IRF6: variants seen among roughly 807,000 people sequenced by gnomAD.
IRF6 encodes interferon regulatory factor 6, also known as Van der Woude syndrome.
A neutral mutation model predicts 51.4 loss-of-function variants in IRF6; 6 were observed. That is an observed-to-expected ratio of 0.12 (90% CI 0.06 to 0.23). The LOEUF (loss-of-function observed/expected upper bound fraction) is 0.23. IRF6 is among the 10% of genes least tolerant of loss of function. IRF6 has a pLI of 1.00. For missense variants in IRF6, 348 were observed against 585.2 expected, an observed-to-expected ratio of 0.59 and a Z score of 4.18; for synonymous variants, 178 against 215.7, an observed-to-expected ratio of 0.83 and a Z score of 1.53.
chr1:209,792,181 T>C (rs2077872533), intron 6 of IRF6, 88 bp downstream of exon 6: 3 of 1,426,070 alleles, frequency 2.1e-6, no homozygotes, highest in East Asian at 2.3e-5. Context: ...TTTCAATACA[T>C]GGCAAAGAAA....
At chr1:209,800,227 T>C (rs2077932180) in intron 3 of IRF6, among the ~76,000 whole-genome samples, 1 of 152,210 alleles carries the variant, frequency 6.6e-6, no homozygotes, top group Non-Finnish European at 1.5e-5. Context: ...TTTCAAACCA[T>C]GTGAAAACCT....
chr1:209,793,240 C>T (rs1268132172), intron 5 of IRF6: 3 of 152,146 alleles, frequency 2.0e-5, no homozygotes, highest in Non-Finnish European at 2.9e-5. Context: ...ATGTCTCATT[C>T]TGTCACCCAG....
At chr1:209,789,935 T>C in intron 7 of IRF6, 150 bp from the exon 8 acceptor site, 1 of 688,006 alleles carries the variant, frequency 1.5e-6, no homozygotes, top group South Asian at 1.6e-5. Flanking sequence ...GTCACATTAG[T>C]CATATTTACA....
intron 6 of IRF6, among the ~76,000 whole-genome samples, chr1:209,791,848 T>C (rs926347): frequency 0.17 from 25,854 of 152,202 alleles, 2,379 homozygotes; most frequent in African/African-American, 0.22. Flanking sequence ...TGCAATGGCA[T>C]GATCAGGGCT....
At chr1:209,801,181 GCCAA>G in intron 3 of IRF6, 55 bp downstream of exon 3, 9 of 993,486 alleles carry the variant, frequency 9.1e-6, no homozygotes, top group African/African-American at 3.2e-5. Context: ...TATTCCCCAT[GCCAA>G]AAAAAAAAAA....
Position 209,796,634 on chromosome 1 carries a change from AACACACACAC to A in IRF6, c.175-92_175-83del, listed in dbSNP as rs3028134. On this transcript the variant is annotated intron_variant, in intron 3 of 8. Coordinates refer to ENST00000367021, the MANE Select transcript of IRF6 (RefSeq NM_006147.4). The surrounding 1 kb of genome is among the most constrained non-coding windows in gnomAD (Gnocchi z 4.5). ...GTGCTTACCCTTTCTCATAGACACA[AACACACACAC>A]ACACACACACACACACACACACACA... 2,646 of 586,454 alleles carry A rather than the reference AACACACACAC, an allele frequency of 4.5e-3. 5 individuals carry two copies. Among genetic ancestry groups the A allele is most frequent in the African/African-American group, 0.016 (774 of 48,764 alleles). 36.3% of individuals were successfully genotyped at this position (586,454 alleles called of 1,614,324 possible).
In IRF6 at chr1:209,786,993, A is replaced by G. The variant is rs2077838004; in HGVS notation, c.*1427T>C. On this transcript the variant is annotated 3_prime_UTR_variant, in exon 9 of 9. Coordinates refer to ENST00000367021, the MANE Select transcript of IRF6 (RefSeq NM_006147.4). ...ATCTTATTTGCCATTTAGGTCCCAG[A>G]TTGCTTGAGCCCAGGAGTTCAAGAC... 1 of 152,782 alleles carries G rather than the reference A, an allele frequency of 6.5e-6. No individual in the cohort carries two copies. The highest frequency in any genetic ancestry group is 1.5e-5 in the Non-Finnish European group (1 of 68,584). The allele number at this position is 152,782 out of a possible 1,614,324, so 9.5% of individuals were successfully genotyped here. A position where few individuals can be genotyped will look rare whatever the true frequency, so the allele number is the denominator to read the frequency against.
rs934817735 is a variant in IRF6 at position 209,787,258 on chromosome 1, T to A, written c.*1162A>T. On this transcript the variant is annotated 3_prime_UTR_variant, in exon 9 of 9. Coordinates refer to ENST00000367021, the MANE Select transcript of IRF6 (RefSeq NM_006147.4). Reference sequence around the variant, plus strand: ...CTGAAAGGGTTAGAGACTCAGCAGATGTTTCTAGATAAGACCAGTTTGTGA... The same window carrying A: ...CTGAAAGGGTTAGAGACTCAGCAGAAGTTTCTAGATAAGACCAGTTTGTGA... 1 of 152,260 alleles carries A rather than the reference T, an allele frequency of 6.6e-6. No individual in the cohort carries two copies. Among genetic ancestry groups the A allele is most frequent in the Non-Finnish European group, 1.5e-5 (1 of 68,102 alleles). 9.4% of individuals were successfully genotyped at this position (152,260 alleles called of 1,614,324 possible). A position where few individuals can be genotyped will look rare whatever the true frequency, so the allele number is the denominator to read the frequency against.
chr1:209,790,799 G>A lies in IRF6; in HGVS notation c.756C>T (p.Phe252=). ...TVSNPQGCRL[F]YGDLGPMPDQ... ...CAGGCATGGGACCCAGGTCCCCATAGAAGAGTCGGCAGCCCTGAGGGTTGC... is the reference window on the plus strand; with the variant it reads ...CAGGCATGGGACCCAGGTCCCCATAAAAGAGTCGGCAGCCCTGAGGGTTGC... The change falls in exon 7 of 9, where the codon TTC becomes TTT. Residue 252 remains phenylalanine, a synonymous_variant. Coordinates refer to ENST00000367021, the MANE Select transcript of IRF6 (RefSeq NM_006147.4). This position sits in a 1 kb window ranked among gnomAD's most constrained non-coding sequence, Gnocchi z 4.8. 6.2e-7 allele frequency: 1 copy of A among 1,614,136 alleles called. No homozygotes were observed. Among genetic ancestry groups the A allele is most frequent in the Non-Finnish European group, 8.5e-7 (1 of 1,180,036 alleles).
rs761453746 is a variant in IRF6 at position 209,801,282 on chromosome 1, G to A, written c.132C>T (p.Thr44=). 1 of 1,614,090 alleles carries A rather than the reference G, an allele frequency of 6.2e-7. No individual in the cohort carries two copies. The highest frequency in any genetic ancestry group is 8.5e-7 in the Non-Finnish European group (1 of 1,180,002). The change falls in exon 3 of 9, where the codon ACC becomes ACT. Residue 44 remains threonine (T), a synonymous_variant. Transcript: ENST00000367021. ...CCTCTTCTTGTTGAGGGCTATGCCG[G>A]GTGGCATGTTTCCAGGGAATCTGGA... ...KRFQIPWKHA[T]RHSPQQEEEN...
In IRF6 at chr1:209,792,317, T is replaced by G. The variant is rs866518271; in HGVS notation, c.619A>C (p.Ile207Leu). 6.2e-7 allele frequency: 1 copy of G among 1,614,206 alleles called. No homozygotes were observed. The highest frequency in any genetic ancestry group is 8.5e-7 in the Non-Finnish European group (1 of 1,180,012). The change falls in exon 6 of 9, where the codon ATA (isoleucine) becomes CTA (leucine). Residue 207 changes from isoleucine to leucine, a missense_variant. By Grantham distance (5) the Ile-to-Leu change is conservative. This residue lies in a region of IRF6 where 124 missense variants were observed against 141.6 expected (regional missense o/e 0.88). Coordinates refer to ENST00000367021, the MANE Select transcript of IRF6 (RefSeq NM_006147.4). ...PLEMEVPQAP[I>L]QPFYSSPELW... ...TCTGGAGAGCTATAGAAGGGCTGTATAGGTGCCTGGGGTACTTCCATCTCC... is the reference window on the plus strand; with the variant it reads ...TCTGGAGAGCTATAGAAGGGCTGTAGAGGTGCCTGGGGTACTTCCATCTCC...
intron 5 of IRF6, 117 bp from the exon 6 acceptor site, chr1:209,792,544 T>C (rs2077875775): frequency 8.4e-6 from 9 of 1,072,562 alleles, no homozygotes; most frequent in Non-Finnish European, 1.1e-5. Context: ...CCTGACCCAG[T>C]GTGATCTTCC....
chr1:209,796,388 C>T lies in IRF6; in HGVS notation c.339G>A (p.Val113=). The T allele has an allele frequency of 6.2e-7, 1 of 1,614,182 alleles. No individual in the cohort carries two copies. The highest frequency in any genetic ancestry group is 8.5e-7 in the Non-Finnish European group (1 of 1,180,050). The part of the protein sequence containing the change: ...VPMNPVKIYQ[V]CDIPQPQGSI... ...AGCCCTGGGGCTGAGGGATGTCACA[C>T]ACTTGATATATCTTCACTGGGTTCA... The change falls in exon 4 of 9, where the codon GTG becomes GTA. Residue 113 remains valine, a synonymous_variant. Coordinates refer to ENST00000367021, the MANE Select transcript of IRF6 (RefSeq NM_006147.4). This position sits in a 1 kb window ranked among gnomAD's most constrained non-coding sequence, Gnocchi z 4.5.
At chr1:209,799,543 T>C (rs2077926766) in intron 3 of IRF6, among the ~76,000 whole-genome samples, 1 of 152,246 alleles carries the variant, frequency 6.6e-6, no homozygotes, top group African/African-American at 2.4e-5. Context: ...ACCCTCCCCC[T>C]GCACTCTGCA....
chr1:209,798,450 G>A (rs1322446975), intron 3 of IRF6, among the ~76,000 whole-genome samples: 1 of 152,158 alleles, frequency 6.6e-6, no homozygotes, highest in Non-Finnish European at 1.5e-5. Context: ...CATTTCTGTG[G>A]TTCCCTAAAT....
intron 1 of IRF6, among the ~76,000 whole-genome samples, chr1:209,803,877 GGGAA>G (rs2077958488): frequency 7.7e-6 from 1 of 129,884 alleles, no homozygotes; most frequent in East Asian, 2.9e-4. Flanking sequence ...TGGGGGCAGG[GGGAA>G]ACAGCATACA....
In IRF6 at chr1:209,792,344, G is replaced by A. The variant is rs1466097325; in HGVS notation, c.592C>T (p.Leu198=). 1.2e-6 allele frequency: 2 copies of A among 1,614,202 alleles called. No individual in the cohort carries two copies. Residue 198 remains leucine, a synonymous_variant, in exon 6 of 9, where the codon CTG becomes TTG. Coordinates refer to ENST00000367021, the MANE Select transcript of IRF6 (RefSeq NM_006147.4). ...GGTGCCTGGGGTACTTCCATCTCCA[G>A]GGGTTCAGTTTTGGGCCACACTGCC... is the stretch of plus-strand genomic sequence containing the variant. ...PEAVWPKTEP[L]EMEVPQAPIQ...
At chr1:209,801,490 T>C (rs987892466) in intron 2 of IRF6, 74 bp from the exon 3 acceptor site, 3 of 1,193,734 alleles carry the variant, frequency 2.5e-6, no homozygotes, top group African/African-American at 1.5e-5. Context: ...CCCAGCCACC[T>C]TTCCCATCTA....
chr1:209,798,106 A>G (rs2077915209), intron 3 of IRF6, among the ~76,000 whole-genome samples: 1 of 152,132 alleles, frequency 6.6e-6, no homozygotes, highest in Non-Finnish European at 1.5e-5. Context: ...CTCCTCCTCC[A>G]ATTCAGATCA....
Sources: gnomAD v4.1 joint callset for allele counts (sites outside exome capture counted in the v4.1 genomes callset) on GRCh38, gnomAD v4.1.1 for gene constraint, gnomAD v4.1.1 regional missense constraint, Gnocchi (gnomAD v3.1) non-coding constraint, MANE v1.5 for transcripts, NCBI Gene and HGNC (gene_info 2026-07-23, HGNC 2026-07-21) for gene names.